The following HMGCLL1 variants were observed in gnomAD, a reference collection of about 807,000 sequenced individuals.
HMGCLL1 encodes 3-hydroxy-3-methylglutaryl-CoA lyase like 1, also known as 3-hydroxymethyl-3-methylglutaryl-CoA lyase, cytoplasmic.
In HMGCLL1, 36 loss-of-function variants were observed where a neutral mutation model predicts 39.1. That is an observed-to-expected ratio of 0.92 (90% CI 0.71 to 1.22). HMGCLL1 has a LOEUF of 1.22. HMGCLL1 is among the 50% of genes most tolerant of loss of function. The probability of loss-of-function intolerance (pLI) is 0.00; values close to 1 mark genes in which losing one functional copy is unlikely to be tolerated. For synonymous variants in HMGCLL1, 149 were observed against 144.0 expected (o/e 1.03, Z -0.25); for missense variants, 451 against 416.5 (o/e 1.08, Z -0.72).
chr6:55,563,325 C>A (rs1174705857), intron 1 of HMGCLL1, among the ~76,000 whole-genome samples: 1 of 152,024 alleles, frequency 6.6e-6, no homozygotes, highest in Non-Finnish European at 1.5e-5. Flanking sequence ...AAAACATACA[C>A]CCTATAGACC....
At position 55,542,158 on chromosome 6, in the gene HMGCLL1, A is replaced by G; in HGVS notation, c.109-18T>C. ...GATGTTTCCTGAAATGCAAAATGTA[A>G]GAACAAGATAACGTAACTTTTAGAT... On this transcript the variant is annotated intron_variant, in intron 1 of 8. Transcript: ENST00000274901. The G allele has an allele frequency of 6.5e-7, 1 of 1,538,256 alleles. No homozygotes were observed. Among genetic ancestry groups the G allele is most frequent in the Non-Finnish European group, 9.0e-7 (1 of 1,116,000 alleles).
intron 7 of HMGCLL1, among the ~76,000 whole-genome samples, chr6:55,486,969 C>T (rs1287475761): frequency 6.6e-6 from 1 of 152,020 alleles, no homozygotes; most frequent in Admixed American, 6.6e-5. Flanking sequence ...AAATAAATTC[C>T]CTTGGGCCTC....
At chr6:55,588,199 A>T in the HMGCLL1 span, among the ~76,000 whole-genome samples, 1 of 152,170 alleles carries the variant, frequency 6.6e-6, no homozygotes, top group Non-Finnish European at 1.5e-5. Flanking sequence ...ATTATAACAA[A>T]CTGTCTCTCA....
chr6:55,440,290 G>A (rs904063260), intron 7 of HMGCLL1, among the ~76,000 whole-genome samples: 23 of 152,118 alleles, frequency 1.5e-4, no homozygotes, highest in African/African-American at 5.3e-4. Flanking sequence ...CCAGTTCTCA[G>A]AAAGAAAACT....
At chr6:55,525,267 C>T (rs1768261080) in intron 3 of HMGCLL1, among the ~76,000 whole-genome samples, 2 of 151,834 alleles carry the variant, frequency 1.3e-5, no homozygotes, top group African/African-American at 4.8e-5. Context: ...CTTAGAGATC[C>T]TCTAAATGTT....
In HMGCLL1 at chr6:55,514,057, G is replaced by A; in HGVS notation, c.533C>T (p.Pro178Leu). 3.7e-6 allele frequency: 6 copies of A among 1,610,840 alleles called. No individual in the cohort carries two copies. Among genetic ancestry groups the A allele is most frequent in the Non-Finnish European group, 4.2e-6 (5 of 1,178,878 alleles). The stretch of plus-strand genomic sequence containing the variant: ...GGGATTTCATAAGTACCCTCGTGCT[G>A]GAATATTCATGTGTCTTGCAGACTT... ...VVKSARHMNIPARGYVSCALG... is the reference protein window; with the variant it reads ...VVKSARHMNILARGYVSCALG... Residue 178 changes from proline to leucine, a missense_variant, in exon 5 of 9, where the codon CCA becomes CTA. Transcript: ENST00000274901.
the HMGCLL1 span, among the ~76,000 whole-genome samples, chr6:55,664,184 T>C: frequency 6.6e-6 from 1 of 151,880 alleles, no homozygotes; most frequent in Non-Finnish European, 1.5e-5. Context: ...AAGGTTAGTA[T>C]TGATATGTAT....
intron 1 of HMGCLL1, chr6:55,566,525 G>T (rs756941113): frequency 2.9e-5 from 13 of 444,204 alleles, no homozygotes; most frequent in South Asian, 6.4e-5. Flanking sequence ...AAAAGAGCCC[G>T]AACACTGAAT....
At chr6:55,442,679 G>C (rs1763656419) in intron 7 of HMGCLL1, among the ~76,000 whole-genome samples, 1 of 152,220 alleles carries the variant, frequency 6.6e-6, no homozygotes, top group Non-Finnish European at 1.5e-5. Context: ...AACATGAGAA[G>C]GTCTCTATTG....
the HMGCLL1 span, among the ~76,000 whole-genome samples, chr6:55,600,828 A>G: frequency 6.6e-6 from 1 of 152,150 alleles, no homozygotes; most frequent in Admixed American, 6.6e-5. Flanking sequence ...AAATAACAAA[A>G]TAAGTTAGAT....
At chr6:55,558,818 T>G (rs1357936711) in intron 1 of HMGCLL1, among the ~76,000 whole-genome samples, 1 of 152,136 alleles carries the variant, frequency 6.6e-6, no homozygotes, top group Non-Finnish European at 1.5e-5. Context: ...TTTAAAACAA[T>G]TTTCCTTCTA....
intron 7 of HMGCLL1, among the ~76,000 whole-genome samples, chr6:55,485,142 CTT>C (rs1052313908): frequency 4.6e-5 from 7 of 152,070 alleles, no homozygotes; most frequent in Admixed American, 3.9e-4. Flanking sequence ...GCTTACATCT[CTT>C]CTTAAAATTG....
At chr6:55,542,186 TTA>T in intron 1 of HMGCLL1, 46 bp from the exon 2 acceptor site, 1 of 1,256,396 alleles carries the variant, frequency 8.0e-7, no homozygotes, top group South Asian at 1.3e-5. Flanking sequence ...TTTTAGATTG[TTA>T]CATTTGCTTA....
intron 3 of HMGCLL1, among the ~76,000 whole-genome samples, chr6:55,528,239 C>A (rs142500576): frequency 1.3e-5 from 2 of 151,910 alleles, no homozygotes; most frequent in Non-Finnish European, 2.9e-5. Context: ...TATATGCAGG[C>A]GTACAACAGG....
rs1249693960 is a variant in HMGCLL1, at chr6:55,496,668, G to A, written c.607-1061C>T. On this transcript the variant is annotated intron_variant, in intron 6 of 8. Transcript: ENST00000274901. ...TAACACCAATGAACTCATAGGAAGT[G>A]CAACTAGTGATGCTGGAAGTGCTCC... 2.0e-5 allele frequency among the ~76,000 whole-genome samples: 3 copies of A among 152,182 alleles called. No homozygotes were observed. The East Asian group carries it at 5.8e-4, about 29-fold the overall frequency.
chr6:55,670,047 A>G, the HMGCLL1 span, among the ~76,000 whole-genome samples: 1 of 151,900 alleles, frequency 6.6e-6, no homozygotes. Flanking sequence ...CAGATTCATC[A>G]TAATGACAAT....
At chr6:55,522,013 C>T (rs1768066406) in intron 3 of HMGCLL1, among the ~76,000 whole-genome samples, 2 of 151,944 alleles carry the variant, frequency 1.3e-5, no homozygotes, top group African/African-American at 4.8e-5. Context: ...AGCCTTATTG[C>T]TGAAACGGAG....
At chr6:55,665,521 C>T in the HMGCLL1 span, among the ~76,000 whole-genome samples, 1 of 151,616 alleles carries the variant, frequency 6.6e-6, no homozygotes, top group Non-Finnish European at 1.5e-5. Flanking sequence ...AATGCTGAAA[C>T]AAGTGGTACT....
At chr6:55,562,229 G>C (rs554309761) in intron 1 of HMGCLL1, among the ~76,000 whole-genome samples, 99 of 152,194 alleles carry the variant, frequency 6.5e-4, no homozygotes, top group Non-Finnish European at 1.3e-3. Context: ...ATTAATAAGA[G>C]AATCTTCTGG....
Sources: allele counts gnomAD v4.1 joint callset (sites outside exome capture counted in the v4.1 genomes callset), GRCh38; gene constraint gnomAD v4.1.1; transcripts MANE v1.5; gene names NCBI Gene and HGNC (gene_info 2026-07-23, HGNC 2026-07-21).